METTL16: variants seen among roughly 807,000 people sequenced by gnomAD.
METTL16 encodes the protein methyltransferase 16, RNA N6-adenosine.
A neutral mutation model predicts 57.9 loss-of-function variants in METTL16; 19 were observed. The ratio of observed to expected loss-of-function variants is 0.33; its 90% CI spans 0.23 to 0.48. METTL16 has a LOEUF of 0.48. METTL16 is among the 20% of genes least tolerant of loss of function. The probability of loss-of-function intolerance (pLI) is 0.99; values close to 1 mark genes in which losing one functional copy is unlikely to be tolerated. For synonymous variants in METTL16, 246 were observed against 255.6 expected, an observed-to-expected ratio of 0.96 and a Z score of 0.36; for missense variants, 434 against 691.5, an observed-to-expected ratio of 0.63 and a Z score of 4.18.
chr17:2,474,543 CA>C (rs920403730), intron 3 of METTL16, among the ~76,000 whole-genome samples: 1 of 149,092 alleles, frequency 6.7e-6, no homozygotes, highest in South Asian at 2.1e-4. Flanking sequence ...ACGCTCCATG[CA>C]AAAAAAAACA....
At chr17:2,444,713 A>ATTT (rs1284220670) in intron 6 of METTL16, among the ~76,000 whole-genome samples, 7 of 129,326 alleles carry the variant, frequency 5.4e-5, no homozygotes, top group Non-Finnish European at 1.0e-4. Flanking sequence ...CAGATGGACC[A>ATTT]TTTTTTTTTT....
chr17:2,434,895 A>G (rs1261058821), intron 8 of METTL16, among the ~76,000 whole-genome samples: 2 of 152,226 alleles, frequency 1.3e-5, no homozygotes, highest in Non-Finnish European at 2.9e-5. Context: ...TCACACCAAG[A>G]GTGAACAACT....
At chr17:2,476,937 CAA>C (rs746788682) in intron 3 of METTL16, among the ~76,000 whole-genome samples, 2 of 141,690 alleles carry the variant, frequency 1.4e-5, no homozygotes, top group South Asian at 2.2e-4. Context: ...GCCTGGGCGA[CAA>C]GAGCAAAATT....
intron 6 of METTL16, among the ~76,000 whole-genome samples, chr17:2,448,762 A>T (rs1199163536): frequency 2.0e-4 from 26 of 132,540 alleles, no homozygotes; most frequent in East Asian, 4.0e-4. Flanking sequence ...TAAAATAAAA[A>T]AAATAAAAAA....
At chr17:2,473,363 T>C (rs2067247515) in intron 4 of METTL16, among the ~76,000 whole-genome samples, 161 bp downstream of exon 4, 1 of 152,208 alleles carries the variant, frequency 6.6e-6, no homozygotes, top group South Asian at 2.1e-4. Flanking sequence ...TACTATTTTC[T>C]GAGTTAATTC....
chr17:2,488,993 CA>C (rs769575776), intron 2 of METTL16, among the ~76,000 whole-genome samples: 16 of 152,134 alleles, frequency 1.1e-4, no homozygotes, highest in Admixed American at 3.3e-4. Flanking sequence ...TACAAAAACA[CA>C]GATCCTGAAA....
At chr17:2,495,554 G>A (rs1044435727) in intron 2 of METTL16, among the ~76,000 whole-genome samples, 2 of 151,620 alleles carry the variant, frequency 1.3e-5, no homozygotes, top group Non-Finnish European at 2.9e-5. Context: ...AATTAGCCAG[G>A]TGTGGTTGTG....
chr17:2,431,945 AT>A (rs11345575), intron 8 of METTL16, among the ~76,000 whole-genome samples: 40,832 of 147,808 alleles, frequency 0.28, 9,155 homozygotes, highest in African/African-American at 0.62. Flanking sequence ...GTGACTCAAT[AT>A]TTTTTTTTTT....
At chr17:2,479,343 T>G (rs1476755294) in intron 2 of METTL16, among the ~76,000 whole-genome samples, 1 of 151,020 alleles carries the variant, frequency 6.6e-6, no homozygotes, top group African/African-American at 2.4e-5. Flanking sequence ...TTTTTTTTTT[T>G]TTTTTTCGTA....
chr17:2,447,868 A>C (rs1287561349), intron 6 of METTL16, among the ~76,000 whole-genome samples: 2 of 34,394 alleles, frequency 5.8e-5, no homozygotes, highest in Admixed American at 3.4e-4. Context: ...TCAGCCCTCC[A>C]CCTGGCCAGC....
intron 2 of METTL16, among the ~76,000 whole-genome samples, chr17:2,499,152 T>G (rs1244868765): frequency 6.6e-6 from 1 of 151,564 alleles, no homozygotes; most frequent in Non-Finnish European, 1.5e-5. Flanking sequence ...GCTTATGTAT[T>G]TGTCCATTTT....
At chr17:2,424,786 A>T (rs1347500337) in intron 8 of METTL16, among the ~76,000 whole-genome samples, 2 of 152,066 alleles carry the variant, frequency 1.3e-5, no homozygotes, top group Non-Finnish European at 2.9e-5. Context: ...ATCTCTACTA[A>T]AAATACAAAA....
chr17:2,420,671 GA>G lies in METTL16; in HGVS notation c.1062+59del. ...TCCAAACTCTCAATAAAAAAAAAAA[GA>G]AAAAAGAAAAAAGAGAAGGATCATT... On this transcript the variant is annotated intron_variant, in intron 9 of 9. Transcript: ENST00000263092. The surrounding 1 kb of genome is among the most constrained non-coding windows in gnomAD (Gnocchi z 5.4). 1 of 1,528,758 alleles carries G rather than the reference GA, an allele frequency of 6.5e-7. No individual in the cohort carries two copies. The highest frequency in any genetic ancestry group is 8.8e-7 in the Non-Finnish European group (1 of 1,138,440). 94.7% of individuals were successfully genotyped at this position (1,528,758 alleles called of 1,614,324 possible). A position where few individuals can be genotyped will look rare whatever the true frequency, so the allele number is the denominator to read the frequency against.
chr17:2,507,774 C>T (rs926908709), intron 1 of METTL16, among the ~76,000 whole-genome samples: 1 of 152,210 alleles, frequency 6.6e-6, no homozygotes, highest in African/African-American at 2.4e-5. Context: ...TCATTTTGTT[C>T]TGTACTAAGA....
intron 2 of METTL16, among the ~76,000 whole-genome samples, chr17:2,487,978 C>T (rs1223026788): frequency 3.3e-5 from 5 of 151,100 alleles, no homozygotes; most frequent in African/African-American, 1.2e-4. Context: ...GTATTCCAGC[C>T]CAGGCAACAG....
intron 6 of METTL16, among the ~76,000 whole-genome samples, chr17:2,458,449 C>T (rs1011389769): frequency 6.6e-6 from 1 of 150,420 alleles, no homozygotes; most frequent in African/African-American, 2.5e-5. Flanking sequence ...TGGTGACTCA[C>T]ACCTGTAATC....
chr17:2,507,401 A>G (rs1485294594), intron 1 of METTL16, among the ~76,000 whole-genome samples: 2 of 146,976 alleles, frequency 1.4e-5, no homozygotes, highest in Non-Finnish European at 3.0e-5. Flanking sequence ...CAGCCCGGCC[A>G]GCCGCCCCAT....
At chr17:2,473,426 C>T (rs1012122303) in intron 4 of METTL16, 98 bp downstream of exon 4, 38 of 1,351,900 alleles carry the variant, frequency 2.8e-5, no homozygotes, top group Non-Finnish European at 3.6e-5. Context: ...TTTAAATTAC[C>T]GAAGTCTGTG....
intron 8 of METTL16, among the ~76,000 whole-genome samples, chr17:2,433,430 G>A (rs570472355): frequency 6.1e-5 from 8 of 132,084 alleles, no homozygotes; most frequent in Non-Finnish European, 1.2e-4. Flanking sequence ...GATGCTGACT[G>A]CAGGATGAAT....
Sources: allele counts gnomAD v4.1 joint callset (sites outside exome capture counted in the v4.1 genomes callset), GRCh38; gene constraint gnomAD v4.1.1; non-coding constraint Gnocchi (gnomAD v3.1); transcripts MANE v1.5; gene names NCBI Gene and HGNC (gene_info 2026-07-23, HGNC 2026-07-21).